The following ZBTB7C variants were observed in gnomAD, a reference collection of about 807,000 sequenced individuals.
ZBTB7C encodes the protein zinc finger and BTB domain containing 7C, also known as zinc finger and BTB domain-containing protein 7C.
Under a neutral mutation model 25.7 loss-of-function variants are expected in ZBTB7C, and 8 were observed. The ratio of observed to expected loss-of-function variants is 0.31; its 90% CI spans 0.18 to 0.56. The LOEUF is 0.56. ZBTB7C is among the 20% of genes least tolerant of loss of function. The pLI, the probability that ZBTB7C is intolerant of heterozygous loss-of-function variation, is 0.91. For synonymous variants in ZBTB7C, 394 were observed against 369.0 expected (o/e 1.07, Z -0.78); for missense variants, 824 against 855.2 (o/e 0.96, Z 0.46).
At chr18:48,295,457 CG>C (rs760168211) in intron 2 of ZBTB7C, among the ~76,000 whole-genome samples, 12 of 152,114 alleles carry the variant, frequency 7.9e-5, no homozygotes, top group Non-Finnish European at 1.6e-4. Context: ...GTGAGGAAGG[CG>C]GGATCCAGTG....
At chr18:48,131,471 T>C (rs1255905976) in intron 3 of ZBTB7C, among the ~76,000 whole-genome samples, 3 of 148,518 alleles carry the variant, frequency 2.0e-5, no homozygotes, top group South Asian at 2.1e-4. Flanking sequence ...AGGATAGTTG[T>C]TTTTTTTTTT....
At chr18:48,047,723 C>T (rs1197558004) in intron 3 of ZBTB7C, among the ~76,000 whole-genome samples, 1 of 152,164 alleles carries the variant, frequency 6.6e-6, no homozygotes, top group Admixed American at 6.5e-5. Flanking sequence ...GACTGTGCTC[C>T]CCTCTCTCCC....
intron 2 of ZBTB7C, among the ~76,000 whole-genome samples, chr18:48,296,620 T>C (rs2045398746): frequency 6.6e-6 from 1 of 152,202 alleles, no homozygotes; most frequent in Non-Finnish European, 1.5e-5. Context: ...CCACAGCACG[T>C]TCCCGAGTCT....
At chr18:48,267,347 T>C (rs2044344641) in intron 2 of ZBTB7C, among the ~76,000 whole-genome samples, 1 of 152,148 alleles carries the variant, frequency 6.6e-6, no homozygotes, top group Non-Finnish European at 1.5e-5. Flanking sequence ...CCCTCAACAG[T>C]TCTATTCAAC....
intron 2 of ZBTB7C, among the ~76,000 whole-genome samples, chr18:48,284,969 T>C (rs917965210): frequency 6.6e-6 from 1 of 152,234 alleles, no homozygotes; most frequent in African/African-American, 2.4e-5. Flanking sequence ...GAAGTTCTTT[T>C]TATCATTGAA....
intron 3 of ZBTB7C, among the ~76,000 whole-genome samples, chr18:48,175,767 T>C (rs2041654077): frequency 6.6e-6 from 1 of 152,080 alleles, no homozygotes; most frequent in African/African-American, 2.4e-5. Context: ...ATACTCAAAA[T>C]AGGGATAGTG....
At chr18:48,200,184 G>C (rs987394556) in intron 2 of ZBTB7C, among the ~76,000 whole-genome samples, 3 of 152,154 alleles carry the variant, frequency 2.0e-5, no homozygotes, top group African/African-American at 7.2e-5. Flanking sequence ...TCTAAAGAGT[G>C]AATTAACCGT....
At chr18:48,261,612 C>G (rs1481306160) in intron 2 of ZBTB7C, among the ~76,000 whole-genome samples, 2 of 151,674 alleles carry the variant, frequency 1.3e-5, no homozygotes, top group Admixed American at 1.3e-4. Flanking sequence ...GCCCACCCAA[C>G]AGCTCTGCCT....
At chr18:48,372,765 T>A (rs1343809121) in intron 1 of ZBTB7C, among the ~76,000 whole-genome samples, 1 of 152,120 alleles carries the variant, frequency 6.6e-6, no homozygotes, top group African/African-American at 2.4e-5. Context: ...CTGTCAATAA[T>A]CATGATTCTA....
intron 2 of ZBTB7C, among the ~76,000 whole-genome samples, chr18:48,193,750 G>A (rs541278031): frequency 2.6e-5 from 4 of 152,356 alleles, no homozygotes; most frequent in Admixed American, 6.5e-5. Context: ...GGTGGCAGGC[G>A]CGTGGAGTCA....
At chr18:48,270,689 CA>C (rs35344797) in intron 2 of ZBTB7C, among the ~76,000 whole-genome samples, 7,829 of 88,272 alleles carry the variant, frequency 0.089, 257 homozygotes, top group Non-Finnish European at 0.12. Flanking sequence ...GACTCTGTCT[CA>C]AAAAAAAAAA....
At chr18:48,341,554 C>G (rs2046601197) in intron 1 of ZBTB7C, among the ~76,000 whole-genome samples, 1 of 152,240 alleles carries the variant, frequency 6.6e-6, no homozygotes, top group South Asian at 2.1e-4. Flanking sequence ...GGGCTGGTGA[C>G]AGCACAGGGC....
At chr18:48,390,059 G>A (rs2047863473) in intron 1 of ZBTB7C, among the ~76,000 whole-genome samples, 1 of 152,148 alleles carries the variant, frequency 6.6e-6, no homozygotes, top group Admixed American at 6.5e-5. Context: ...GGCTGGATCG[G>A]GAGCCCTGAA....
chr18:48,244,752 C>G (rs572859405), intron 2 of ZBTB7C, among the ~76,000 whole-genome samples: 9 of 152,152 alleles, frequency 5.9e-5, no homozygotes, highest in Non-Finnish European at 1.3e-4. Flanking sequence ...CACCTTACTC[C>G]TACAAGAAGG....
chr18:48,386,875 G>A (rs771914440), intron 1 of ZBTB7C, among the ~76,000 whole-genome samples: 6 of 152,178 alleles, frequency 3.9e-5, no homozygotes, highest in Admixed American at 3.3e-4. Context: ...ACACCTCTCT[G>A]GAGTCTGTCC....
At chr18:48,303,360 A>G (rs1273380334) in intron 2 of ZBTB7C, among the ~76,000 whole-genome samples, 2 of 152,190 alleles carry the variant, frequency 1.3e-5, no homozygotes, top group Non-Finnish European at 2.9e-5. Context: ...TTTTATCTCC[A>G]GAATCTATCT....
chr18:48,336,839 C>G (rs143239900), intron 2 of ZBTB7C, among the ~76,000 whole-genome samples: 71 of 152,262 alleles, frequency 4.7e-4, no homozygotes, highest in African/African-American at 1.6e-3. Flanking sequence ...GTACAGACCA[C>G]TTGCCCCACT....
At chr18:48,381,945 C>A (rs2047642149) in intron 1 of ZBTB7C, among the ~76,000 whole-genome samples, 1 of 152,218 alleles carries the variant, frequency 6.6e-6, no homozygotes, top group Admixed American at 6.5e-5. Context: ...ATCACACGAC[C>A]AGGCTCAATG....
chr18:48,344,951 C>G (rs2046693644), intron 1 of ZBTB7C, among the ~76,000 whole-genome samples: 1 of 152,206 alleles, frequency 6.6e-6, no homozygotes, highest in Admixed American at 6.5e-5. Context: ...CTGATGTCCA[C>G]TCCTCAAAAT....
Sources: allele counts gnomAD v4.1 joint callset (sites outside exome capture counted in the v4.1 genomes callset), GRCh38; gene constraint gnomAD v4.1.1; transcripts MANE v1.5; gene names NCBI Gene and HGNC (gene_info 2026-07-23, HGNC 2026-07-21).